SPON1: variants seen among roughly 807,000 people sequenced by gnomAD.
SPON1 encodes spondin 1, also known as spondin-1.
A neutral mutation model predicts 111.7 loss-of-function variants in SPON1; 52 were observed. The observed-to-expected ratio is 0.47, with a 90% CI of 0.37 to 0.59. The LOEUF (loss-of-function observed/expected upper bound fraction) is 0.59, where lower values mean the gene tolerates loss of function less well. Ranked by LOEUF, SPON1 falls within the 20% of genes least tolerant of loss-of-function variation. The pLI is 0.00. For synonymous variants in SPON1, 410 were observed against 395.8 expected, an observed-to-expected ratio of 1.04 and a Z score of -0.43; for missense variants, 957 against 1,068.5, an observed-to-expected ratio of 0.90 and a Z score of 1.46.
At chr11:14,227,910 C>A (rs1419923600) in intron 6 of SPON1, among the ~76,000 whole-genome samples, 3 of 152,134 alleles carry the variant, frequency 2.0e-5, no homozygotes, top group Non-Finnish European at 4.4e-5. Context: ...CACAAACACC[C>A]AAGGTTGAGT....
chr11:14,161,003 TTA>T (rs1564919871), intron 6 of SPON1, among the ~76,000 whole-genome samples: 2 of 51,428 alleles, frequency 3.9e-5, no homozygotes, highest in African/African-American at 1.6e-4. Context: ...TTTTATATAT[TTA>T]TATATTTATA....
At position 14,146,150 on chromosome 11, in the gene SPON1, C is replaced by CTTTT. The variant is rs10674430; in HGVS notation, c.825+10596_825+10599dup. Among the ~76,000 whole-genome samples, 211 of 130,932 alleles carry CTTTT rather than the reference C, an allele frequency of 1.6e-3. 6 individuals carry two copies. The highest frequency in any genetic ancestry group is 3.4e-3 in the East Asian group (15 of 4,462). 85.9% of individuals were successfully genotyped at this position (130,932 alleles called of 152,430 possible). The stretch of plus-strand genomic sequence containing the variant: ...TTTACCATGAACACAAATTACTATA[C>CTTTT]TTTTTTTTTTTTTTTTTGAGACAGA... On this transcript the variant is annotated intron_variant, in intron 6 of 15. Coordinates refer to ENST00000576479, the MANE Select transcript of SPON1 (RefSeq NM_006108.4).
intron 11 of SPON1, among the ~76,000 whole-genome samples, chr11:14,258,229 ACAGT>A (rs1554941445): frequency 1.3e-5 from 2 of 152,204 alleles, no homozygotes; most frequent in Admixed American, 6.5e-5. Flanking sequence ...GAGCCTGTTA[ACAGT>A]CAGCCCAGAT....
At chr11:14,261,691 G>T (rs566692764) in intron 14 of SPON1, among the ~76,000 whole-genome samples, 4 of 152,316 alleles carry the variant, frequency 2.6e-5, no homozygotes, top group Non-Finnish European at 5.9e-5. Context: ...CAGTAACTAA[G>T]ATTGGCCCAT....
chr11:14,171,987 T>C (rs1164602165), intron 6 of SPON1, among the ~76,000 whole-genome samples: 5 of 152,108 alleles, frequency 3.3e-5, no homozygotes, highest in Non-Finnish European at 7.4e-5. Flanking sequence ...GGGTGGAGAG[T>C]TCTGTAGATG....
chr11:14,038,574 A>G (rs1203314965), intron 2 of SPON1, among the ~76,000 whole-genome samples: 4 of 152,364 alleles, frequency 2.6e-5, no homozygotes, highest in African/African-American at 9.6e-5. Context: ...AAGAAAATAT[A>G]CAGATGGCAA....
chr11:14,169,638 CAT>C (rs1848073223), intron 6 of SPON1, among the ~76,000 whole-genome samples: 1 of 151,646 alleles, frequency 6.6e-6, no homozygotes, highest in East Asian at 1.9e-4. Flanking sequence ...TTAGGTCTAA[CAT>C]GTAAGTCTTT....
At chr11:13,973,306 T>G (rs1848077466) in intron 1 of SPON1, among the ~76,000 whole-genome samples, 1 of 152,328 alleles carries the variant, frequency 6.6e-6, no homozygotes, top group Middle Eastern at 3.4e-3. Context: ...GGAAGGAGGA[T>G]GAACTGTGAT....
At chr11:14,100,132 G>A (rs1339006174) in intron 5 of SPON1, among the ~76,000 whole-genome samples, 2 of 142,848 alleles carry the variant, frequency 1.4e-5, no homozygotes, top group African/African-American at 2.5e-5. Context: ...CTGCTTTTTT[G>A]TACTTACTGA....
At chr11:14,053,389 A>G (rs1366399636) in intron 3 of SPON1, among the ~76,000 whole-genome samples, 1 of 152,228 alleles carries the variant, frequency 6.6e-6, no homozygotes, top group East Asian at 1.9e-4. Flanking sequence ...TATAAATGGA[A>G]GCATACAATG....
chr11:14,226,351 G>A lies in SPON1; in HGVS notation c.826-16981G>A, dbSNP rs114203867. 6.6e-3 allele frequency among the ~76,000 whole-genome samples: 999 copies of A among 152,296 alleles called. 13 individuals are homozygous for A. The highest frequency in any genetic ancestry group is 0.022 in the African/African-American group (909 of 41,566). ...CTGAAAATATCCTAAGTGGAAAACT[G>A]ACATTTTTTAAAACATAATGGGATG... is the stretch of plus-strand genomic sequence containing the variant. On this transcript the variant is annotated intron_variant, in intron 6 of 15. Coordinates refer to ENST00000576479, the MANE Select transcript of SPON1 (RefSeq NM_006108.4).
In SPON1 at chr11:14,259,804, G is replaced by A. The variant is rs1184819580; in HGVS notation, c.1831+103G>A. On this transcript the variant is annotated intron_variant, in intron 13 of 15. Coordinates refer to ENST00000576479, the MANE Select transcript of SPON1 (RefSeq NM_006108.4). This position sits in a 1 kb window ranked among gnomAD's most constrained non-coding sequence, Gnocchi z 5.0. ...CATAAAGGTCGGAGGCTGAGCAGAG[G>A]AAAGCATGGCCCATGGTCCTTGCTG... 3.0e-6 allele frequency: 4 copies of A among 1,312,016 alleles called. No individual in the cohort carries two copies. In the African/African-American group the frequency reaches 4.4e-5, roughly 14 times the overall value. 81.3% of individuals were successfully genotyped at this position (1,312,016 alleles called of 1,614,324 possible).
Position 14,171,217 on chromosome 11 carries a change from T to C in SPON1, c.825+35649T>C, listed in dbSNP as rs1166234740. On this transcript the variant is annotated intron_variant, in intron 6 of 15. Transcript: ENST00000576479. ...GGGATTCAACTTCTTCCTGGTTTAG[T>C]CTTGGGAGAGTGTATGTGTCCAGGA... is the stretch of plus-strand genomic sequence containing the variant. Among the ~76,000 whole-genome samples the C allele has an allele frequency of 3.9e-5, 6 of 152,220 alleles. No homozygotes were observed. The South Asian group carries it at 8.3e-4, about 21-fold the overall frequency.
At position 14,256,774 on chromosome 11, in the gene SPON1, A is replaced by G. The variant is rs1849113771; in HGVS notation, c.1309+82A>G. 7 of 1,020,316 alleles carry G rather than the reference A, an allele frequency of 6.9e-6. 1 individual carries two copies. The Admixed American group carries it at 1.4e-4, about 20-fold the overall frequency. The allele number at this position is 1,020,316 out of a possible 1,614,324, so 63.2% of individuals were successfully genotyped here. ...AAGCAATTTGCTAACCTGTTTTAAG[A>G]ACCATAAACCATGTGCTTTGACTTG... On this transcript the variant is annotated intron_variant, in intron 10 of 15. Transcript: ENST00000576479.
rs1847587111 is a variant in SPON1, at chr11:14,135,987, C to T, written c.825+419C>T. ...CTTTTTGCAACTATGTCTTGAGGTA[C>T]TTGATAAATTAGTCGTTCGTTCATC... On this transcript the variant is annotated intron_variant, in intron 6 of 15. Transcript: ENST00000576479. The surrounding 1 kb of genome is among the most constrained non-coding windows in gnomAD (Gnocchi z 4.4). 6.6e-6 allele frequency among the ~76,000 whole-genome samples: 1 copy of T among 152,160 alleles called. No individual in the cohort carries two copies. The highest frequency in any genetic ancestry group is 2.4e-5 in the African/African-American group (1 of 41,446).
At chr11:14,055,039 G>T (rs1848734761) in intron 3 of SPON1, among the ~76,000 whole-genome samples, 1 of 152,110 alleles carries the variant, frequency 6.6e-6, no homozygotes, top group Non-Finnish European at 1.5e-5. Flanking sequence ...CCACTTCCTG[G>T]ATCTTTCTTC....
In SPON1 at chr11:14,024,859, A is replaced by G. The variant is rs376111953; in HGVS notation, c.346-16662A>G. 2.6e-5 allele frequency among the ~76,000 whole-genome samples: 4 copies of G among 152,220 alleles called. No homozygotes were observed. The East Asian group carries it at 5.8e-4, about 22-fold the overall frequency. On this transcript the variant is annotated intron_variant, in intron 2 of 15. Transcript: ENST00000576479. ...ATTGGTGTGTGTGGAAGGTGCTGGC[A>G]TAACAGCTGGAGTTGCATCCTTCAA...
At chr11:14,127,846 G>A (rs1554927158) in intron 5 of SPON1, among the ~76,000 whole-genome samples, 1 of 152,206 alleles carries the variant, frequency 6.6e-6, no homozygotes, top group Non-Finnish European at 1.5e-5. Context: ...GAAACTTACA[G>A]TCATGGCAGA....
At chr11:14,250,029 T>A (rs1849035544) in intron 7 of SPON1, among the ~76,000 whole-genome samples, 1 of 152,248 alleles carries the variant, frequency 6.6e-6, no homozygotes, top group South Asian at 2.1e-4. Flanking sequence ...TCTCTGGGTC[T>A]TCATATCTGA....
Sources: allele counts gnomAD v4.1 joint callset (sites outside exome capture counted in the v4.1 genomes callset), GRCh38; gene constraint gnomAD v4.1.1; non-coding constraint Gnocchi (gnomAD v3.1); transcripts MANE v1.5; gene names NCBI Gene and HGNC (gene_info 2026-07-23, HGNC 2026-07-21).